PRKCH: variants seen among roughly 807,000 people sequenced by gnomAD.
The protein encoded by PRKCH is protein kinase C eta type.
In PRKCH, 28 loss-of-function variants were observed where a neutral mutation model predicts 82.5. That is an observed-to-expected ratio of 0.34 (90% CI 0.25 to 0.47). The LOEUF is 0.47. Ranked by LOEUF, PRKCH falls within the 20% of genes least tolerant of loss-of-function variation. The pLI, the probability that PRKCH is intolerant of heterozygous loss-of-function variation, is 1.00. For missense variants in PRKCH, 705 were observed against 881.8 expected (o/e 0.80, Z 2.54); for synonymous variants, 322 against 327.4 (o/e 0.98, Z 0.18).
chr14:61,433,043 C>CAAAAAAGAAAAAAAA (rs1883491192), intron 2 of PRKCH, among the ~76,000 whole-genome samples: 1 of 110,968 alleles, frequency 9.0e-6, no homozygotes, highest in African/African-American at 3.7e-5. Flanking sequence ...CCAACCTCTT[C>CAAAAAAGAAAAAAAA]AAAAAAAAAA....
At chr14:61,290,898 A>G (rs2045355835) in intron 1 of PRKCH, among the ~76,000 whole-genome samples, 1 of 152,254 alleles carries the variant, frequency 6.6e-6, no homozygotes, top group Admixed American at 6.5e-5. Context: ...TGTTTTAATA[A>G]GCCAGCAAGC....
At chr14:61,190,699 C>G (rs933542913) in intron 1 of PRKCH, among the ~76,000 whole-genome samples, 6 of 152,148 alleles carry the variant, frequency 3.9e-5, no homozygotes, top group Non-Finnish European at 7.4e-5. Context: ...TCCCACCTTT[C>G]TATTCTCTTG....
At chr14:61,503,337 G>A (rs888416389) in intron 10 of PRKCH, among the ~76,000 whole-genome samples, 8 of 149,116 alleles carry the variant, frequency 5.4e-5, no homozygotes, top group African/African-American at 1.7e-4. Flanking sequence ...GAGTAATTCA[G>A]AAGGTTAAAA....
intron 2 of PRKCH, among the ~76,000 whole-genome samples, chr14:61,417,796 G>C (rs1037605181): frequency 1.3e-5 from 2 of 152,146 alleles, no homozygotes; most frequent in African/African-American, 4.8e-5. Flanking sequence ...ATCTCTATCT[G>C]ACAAGGCTTA....
intron 1 of PRKCH, chr14:61,298,646 A>G (rs1308232677): frequency 6.6e-6 from 1 of 152,226 alleles, no homozygotes; most frequent in Non-Finnish European, 1.5e-5. Flanking sequence ...ACTAGTATCT[A>G]TTTAATAAAA....
intron 1 of PRKCH, among the ~76,000 whole-genome samples, chr14:61,372,759 A>G (rs920354225): frequency 2.0e-5 from 3 of 152,036 alleles, no homozygotes; most frequent in Non-Finnish European, 4.4e-5. Context: ...TGCATTTCAT[A>G]TTCCACCCCA....
chr14:61,223,863 G>C (rs907740190), intron 1 of PRKCH, among the ~76,000 whole-genome samples: 1 of 152,164 alleles, frequency 6.6e-6, no homozygotes, highest in African/African-American at 2.4e-5. Flanking sequence ...GACTTCATTT[G>C]CAACTGGCAA....
chr14:61,323,814 G>C (rs1022616599), intron 1 of PRKCH, among the ~76,000 whole-genome samples: 3 of 152,206 alleles, frequency 2.0e-5, no homozygotes, highest in Non-Finnish European at 4.4e-5. Flanking sequence ...CATTTATCCT[G>C]TGAATTTCTG....
intron 3 of PRKCH, among the ~76,000 whole-genome samples, chr14:61,443,577 T>C (rs1159161429): frequency 6.6e-6 from 1 of 152,232 alleles, no homozygotes; most frequent in Non-Finnish European, 1.5e-5. Context: ...GTAAATTGGA[T>C]AATCAGCCCC....
chr14:61,265,008 G>T (rs1460431372), intron 1 of PRKCH, among the ~76,000 whole-genome samples: 1 of 152,170 alleles, frequency 6.6e-6, no homozygotes, highest in African/African-American at 2.4e-5. Flanking sequence ...TCCCTACCAC[G>T]TGTTGAGGAC....
At position 61,453,203 on chromosome 14, in the gene PRKCH, T is replaced by C. The variant is rs753521241; in HGVS notation, c.833-23T>C. 27 of 1,614,026 alleles carry C rather than the reference T, an allele frequency of 1.7e-5. No homozygotes were observed. The South Asian group carries it at 2.9e-4, about 17-fold the overall frequency. ...GAATTGGTTCCTTTCTGAACATGGA[T>C]TCTGTTTTCCTTTTCCCTCTAGTAT... On this transcript the variant is annotated intron_variant, in intron 6 of 13. Coordinates refer to ENST00000332981, the MANE Select transcript of PRKCH (RefSeq NM_006255.5).
chr14:61,305,894 T>G (rs2045482339), intron 1 of PRKCH: 1 of 152,236 alleles, frequency 6.6e-6, no homozygotes, highest in Non-Finnish European at 1.5e-5. Flanking sequence ...AGGTACAATA[T>G]TTTTTAACCT....
intron 1 of PRKCH, among the ~76,000 whole-genome samples, chr14:61,269,161 C>G (rs2045129471): frequency 6.6e-6 from 1 of 151,914 alleles, no homozygotes. Context: ...GTAAAACTAA[C>G]ATATTTGTGA....
Position 61,485,625 on chromosome 14 carries a change from A to G in PRKCH, c.1402A>G (p.Met468Val), listed in dbSNP as rs377561148. Residue 468 changes from methionine to valine, a missense_variant, in exon 10 of 14, where the codon ATG (methionine) becomes GTG (valine). Transcript: ENST00000332981. ...FYAAEIISAL[M>V]FLHDKGIIYR... ...TGCTGCAGAAATCATTTCGGCTCTCATGTTCCTCCATGATAAAGGAATCAT... is the reference window on the plus strand; with the variant it reads ...TGCTGCAGAAATCATTTCGGCTCTCGTGTTCCTCCATGATAAAGGAATCAT... 16 of 1,613,964 alleles carry G rather than the reference A, an allele frequency of 9.9e-6. No homozygotes were observed. The African/African-American group carries it at 2.0e-4, about 20-fold the overall frequency.
chr14:61,470,418 G>T (rs1052016252), intron 9 of PRKCH, among the ~76,000 whole-genome samples: 1 of 152,052 alleles, frequency 6.6e-6, no homozygotes, highest in African/African-American at 2.4e-5. Context: ...TCTACCTCCC[G>T]TCTCCATCCC....
intron 1 of PRKCH, among the ~76,000 whole-genome samples, chr14:61,231,097 A>G (rs2044739475): frequency 6.6e-6 from 1 of 152,250 alleles, no homozygotes; most frequent in African/African-American, 2.4e-5. Flanking sequence ...AAGAAAGCAC[A>G]GACTCTGGAA....
intron 1 of PRKCH, among the ~76,000 whole-genome samples, chr14:61,237,090 A>G (rs886089433): frequency 6.6e-6 from 1 of 151,552 alleles, no homozygotes; most frequent in Non-Finnish European, 1.5e-5. Context: ...CTGGATACAG[A>G]CCCCCTTCCT....
intron 2 of PRKCH, among the ~76,000 whole-genome samples, chr14:61,407,486 A>G (rs1882014948): frequency 6.6e-6 from 1 of 152,110 alleles, no homozygotes; most frequent in Non-Finnish European, 1.5e-5. Flanking sequence ...GATTTCCTTA[A>G]ACATACTAAG....
At chr14:61,531,347 G>T in intron 12 of PRKCH, among the ~76,000 whole-genome samples, 1 of 152,148 alleles carries the variant, frequency 6.6e-6, no homozygotes, top group East Asian at 1.9e-4. Flanking sequence ...GCAAATAAAA[G>T]ATCAGTTTTT....
Sources: allele counts gnomAD v4.1 joint callset (sites outside exome capture counted in the v4.1 genomes callset), GRCh38; gene constraint gnomAD v4.1.1; transcripts MANE v1.5; gene names NCBI Gene and HGNC (gene_info 2026-07-23, HGNC 2026-07-21).